Variants in ALKBH8 observed in about 807,000 individuals in gnomAD.
The protein encoded by ALKBH8 is tRNA (carboxymethyluridine(34)-5-O)-methyltransferase ALKBH8.
ALKBH8 carries 36 observed loss-of-function variants against 59.8 expected under a neutral mutation model. The ratio of observed to expected loss-of-function variants is 0.60; its 90% CI spans 0.46 to 0.79. The LOEUF (loss-of-function observed/expected upper bound fraction) is 0.79. Ranked by LOEUF, ALKBH8 falls within the 30% of genes least tolerant of loss-of-function variation. ALKBH8 has a pLI of 0.00. For missense variants in ALKBH8, 768 were observed against 801.0 expected (o/e 0.96, Z 0.50); for synonymous variants, 276 against 273.6 (o/e 1.01, Z -0.09).
At chr11:107,518,090 A>T (rs1862944662) in intron 10 of ALKBH8, among the ~76,000 whole-genome samples, 1 of 152,122 alleles carries the variant, frequency 6.6e-6, no homozygotes, top group Admixed American at 6.6e-5. Context: ...ATACAGAAAA[A>T]ATACTGTATT....
intron 8 of ALKBH8, among the ~76,000 whole-genome samples, chr11:107,527,340 C>A (rs1421875039): frequency 6.6e-6 from 1 of 151,740 alleles, no homozygotes; most frequent in South Asian, 2.1e-4. Flanking sequence ...AGGATCTCAG[C>A]AAATTATATA....
At chr11:107,549,117 C>G (rs1035794709) in intron 7 of ALKBH8, among the ~76,000 whole-genome samples, 1 of 152,156 alleles carries the variant, frequency 6.6e-6, no homozygotes, top group South Asian at 2.1e-4. Context: ...TCCCAAAGTG[C>G]TGGGATTACA....
At chr11:107,513,821 T>G (rs919257184) in intron 10 of ALKBH8, among the ~76,000 whole-genome samples, 2 of 152,018 alleles carry the variant, frequency 1.3e-5, no homozygotes, top group Non-Finnish European at 2.9e-5. Flanking sequence ...TTTTCACGTA[T>G]AAGTAAGAGC....
At chr11:107,532,228 C>G in intron 8 of ALKBH8, 72 bp downstream of exon 8, 1 of 1,262,070 alleles carries the variant, frequency 7.9e-7, no homozygotes, top group Middle Eastern at 1.9e-4. Flanking sequence ...AGGGCATGGT[C>G]CCCGTGGCTC....
intron 5 of ALKBH8, among the ~76,000 whole-genome samples, chr11:107,552,395 T>G (rs61908198): frequency 1.3e-5 from 2 of 151,780 alleles, no homozygotes; most frequent in East Asian, 3.9e-4. Flanking sequence ...ATAGATAAAT[T>G]TAACTCCAAC....
intron 11 of ALKBH8, 21 bp from the exon 12 acceptor site, chr11:107,505,236 A>T: frequency 6.7e-7 from 1 of 1,497,802 alleles, no homozygotes; most frequent in East Asian, 2.5e-5. Context: ...AAAACAAAAC[A>T]CATGATCAAC....
chr11:107,526,776 T>C (rs1863374879), intron 8 of ALKBH8, among the ~76,000 whole-genome samples: 1 of 151,978 alleles, frequency 6.6e-6, no homozygotes, highest in African/African-American at 2.4e-5. Flanking sequence ...AGATTCAGGT[T>C]CATTTTATTT....
At chr11:107,554,171 C>T (rs1179472570) in intron 3 of ALKBH8, among the ~76,000 whole-genome samples, 193 bp from the exon 4 acceptor site, 2 of 152,144 alleles carry the variant, frequency 1.3e-5, no homozygotes, top group African/African-American at 4.8e-5. Flanking sequence ...TACACTTTAT[C>T]CACTGCAATT....
Position 107,503,850 on chromosome 11 carries a change from C to T in ALKBH8, c.*808G>A, listed in dbSNP as rs879514878. Reference sequence around the variant, plus strand: ...AATTAACTCTTGATAATAAATTAGTCAGGATTAGTAGTTATTTCAGTCACT... The same window carrying T: ...AATTAACTCTTGATAATAAATTAGTTAGGATTAGTAGTTATTTCAGTCACT... On this transcript the variant is annotated 3_prime_UTR_variant, in exon 12 of 12. Transcript: ENST00000428149. The T allele has an allele frequency of 6.6e-6, 1 of 152,172 alleles. No individual in the cohort carries two copies. Among genetic ancestry groups the T allele is most frequent in the Non-Finnish European group, 1.5e-5 (1 of 68,022 alleles). 9.4% of individuals were successfully genotyped at this position (152,172 alleles called of 1,614,324 possible).
intron 1 of ALKBH8, among the ~76,000 whole-genome samples, chr11:107,561,286 A>G (rs546992733): frequency 6.6e-6 from 1 of 152,288 alleles, no homozygotes; most frequent in East Asian, 1.9e-4. Flanking sequence ...AATAACACAC[A>G]AAAAATTAGC....
chr11:107,549,682 T>C, intron 7 of ALKBH8, 71 bp downstream of exon 7: 1 of 1,063,840 alleles, frequency 9.4e-7, no homozygotes, highest in Non-Finnish European at 1.3e-6. Context: ...ATTAAGAATG[T>C]GGATAATCTT....
Position 107,504,685 on chromosome 11 carries a change from G to A in ALKBH8, c.1968C>T (p.Asn656=). 1 of 1,549,060 alleles carries A rather than the reference G, an allele frequency of 6.5e-7. No homozygotes were observed. The highest frequency in any genetic ancestry group is 8.7e-7 in the Non-Finnish European group (1 of 1,145,746). Residue 656 remains asparagine, a synonymous_variant, in exon 12 of 12, where the codon AAC becomes AAT. Coordinates refer to ENST00000428149, the MANE Select transcript of ALKBH8 (RefSeq NM_138775.3). ...RILQSYYDQG[N]WCVILQKA ...AGGCCTTTTGAAGAATCACACACCAGTTTCCTTGATCGTAGTAGCTTTGCA... is the reference window on the plus strand; with the variant it reads ...AGGCCTTTTGAAGAATCACACACCAATTTCCTTGATCGTAGTAGCTTTGCA...
At chr11:107,546,111 A>C (rs1223338977) in intron 7 of ALKBH8, among the ~76,000 whole-genome samples, 1 of 152,216 alleles carries the variant, frequency 6.6e-6, no homozygotes, top group East Asian at 1.9e-4. Context: ...TTGTTAAATA[A>C]AATTTTTCTT....
intron 8 of ALKBH8, among the ~76,000 whole-genome samples, chr11:107,530,910 A>G (rs1404989549): frequency 6.6e-6 from 1 of 152,176 alleles, no homozygotes; most frequent in African/African-American, 2.4e-5. Flanking sequence ...TATTTTCACA[A>G]TATATCCATG....
At chr11:107,561,595 C>G (rs1864941189) in intron 1 of ALKBH8, among the ~76,000 whole-genome samples, 2 of 152,102 alleles carry the variant, frequency 1.3e-5, no homozygotes, top group African/African-American at 4.8e-5. Flanking sequence ...AACAGAATCC[C>G]AAAGAGGTCT....
chr11:107,507,903 A>G (rs1394267480), intron 11 of ALKBH8, among the ~76,000 whole-genome samples: 1 of 152,114 alleles, frequency 6.6e-6, no homozygotes, highest in South Asian at 2.1e-4. Flanking sequence ...CTTCTACCCT[A>G]TATCATCTTT....
chr11:107,505,312 T>G, intron 11 of ALKBH8, 97 bp from the exon 12 acceptor site: 1 of 831,950 alleles, frequency 1.2e-6, no homozygotes, highest in Non-Finnish European at 1.7e-6. Flanking sequence ...GGATGAACAA[T>G]AAGAATATCT....
chr11:107,559,574 T>C (rs479193), intron 2 of ALKBH8, among the ~76,000 whole-genome samples: 64,060 of 151,870 alleles, frequency 0.42, 13,833 homozygotes, highest in African/African-American at 0.48. Flanking sequence ...TCTTGGAAAG[T>C]GATGAGAGCA....
chr11:107,504,432 A>G lies in ALKBH8; in HGVS notation c.*226T>C, dbSNP rs1591233376. 1 of 654,214 alleles carries G rather than the reference A, an allele frequency of 1.5e-6. No individual in the cohort carries two copies. The highest frequency in any genetic ancestry group is 1.8e-5 in the African/African-American group (1 of 54,602). 40.5% of individuals were successfully genotyped at this position (654,214 alleles called of 1,614,324 possible). On this transcript the variant is annotated 3_prime_UTR_variant, in exon 12 of 12. Coordinates refer to ENST00000428149, the MANE Select transcript of ALKBH8 (RefSeq NM_138775.3). ...CAAACTGCTTCAATCACTTTTAGAAACCACCTCTCCTAGGGAAGTAGGAGG... is the reference window on the plus strand; with the variant it reads ...CAAACTGCTTCAATCACTTTTAGAAGCCACCTCTCCTAGGGAAGTAGGAGG...
Sources: allele counts gnomAD v4.1 joint callset (sites outside exome capture counted in the v4.1 genomes callset), GRCh38; gene constraint gnomAD v4.1.1; transcripts MANE v1.5; gene names NCBI Gene and HGNC (gene_info 2026-07-23, HGNC 2026-07-21).